The following SFMBT2 variants were observed in gnomAD, a reference collection of about 807,000 sequenced individuals.
SFMBT2 encodes scm-like with four MBT domains protein 2.
A neutral mutation model predicts 110.1 loss-of-function variants in SFMBT2; 38 were observed. The ratio of observed to expected loss-of-function variants is 0.35; its 90% confidence interval spans 0.27 to 0.45. The LOEUF is 0.45. Among genes scored for constraint, SFMBT2 ranks in the 20% least tolerant of loss-of-function variants. The pLI, the probability that SFMBT2 is intolerant of heterozygous loss-of-function variation, is 1.00. For synonymous variants in SFMBT2, 425 were observed against 425.4 expected (o/e 1.00, Z 0.01); for missense variants, 1,011 against 1,094.9 (o/e 0.92, Z 1.08).
At chr10:7,361,766 A>C (rs941348148) in intron 4 of SFMBT2, among the ~76,000 whole-genome samples, 2 of 152,202 alleles carry the variant, frequency 1.3e-5, no homozygotes, top group African/African-American at 4.8e-5. Context: ...TTATGGCAAC[A>C]GTAGAAAGCA....
intron 1 of SFMBT2, among the ~76,000 whole-genome samples, chr10:7,388,611 A>G (rs948497302): frequency 6.7e-6 from 1 of 149,412 alleles, no homozygotes; most frequent in African/African-American, 2.5e-5. Flanking sequence ...CCTGGCCTCA[A>G]GTGATCTGTC....
At chr10:7,169,912 C>T (rs1208611403) in intron 20 of SFMBT2, among the ~76,000 whole-genome samples, 1 of 152,166 alleles carries the variant, frequency 6.6e-6, no homozygotes, top group African/African-American at 2.4e-5. Context: ...ACTGTTATTG[C>T]ATTTGTCCAT....
rs539880152 is a variant in SFMBT2, at chr10:7,394,201, A to G, written c.-51-12252T>C. Among the ~76,000 whole-genome samples the G allele has an allele frequency of 7.9e-5, 12 of 152,146 alleles. No homozygotes were observed. The East Asian group carries it at 2.3e-3, about 30-fold the overall frequency. On this transcript the variant is annotated intron_variant, in intron 1 of 20. Transcript: ENST00000397167. ...ACCATGTTGCCCAGGCTGGTCTCGA[A>G]TTCGTGGGCTCAAGCAATCCACCCA...
chr10:7,286,611 A>G (rs1478785914), intron 4 of SFMBT2, among the ~76,000 whole-genome samples: 20 of 152,260 alleles, frequency 1.3e-4, no homozygotes, highest in Admixed American at 1.2e-3. Flanking sequence ...AACTATTTAC[A>G]TAGTATCTAC....
At chr10:7,233,307 C>T (rs1228199530) in intron 9 of SFMBT2, among the ~76,000 whole-genome samples, 1 of 152,104 alleles carries the variant, frequency 6.6e-6, no homozygotes, top group East Asian at 1.9e-4. Flanking sequence ...AATCCTCAGG[C>T]TCCAGCGACT....
rs949440330 is a variant in SFMBT2 at position 7,161,369 on chromosome 10, C to G, written c.*2401G>C. On this transcript the variant is annotated 3_prime_UTR_variant, in exon 21 of 21. Coordinates refer to ENST00000397167, the MANE Select transcript of SFMBT2 (RefSeq NM_001387889.1). ...ACCCTCGTCTCAAATACAACAGGAA[C>G]AGCTGAGCTTGAAAAGGCCACAGTG... is the stretch of plus-strand genomic sequence containing the variant. 3.3e-5 allele frequency: 5 copies of G among 152,260 alleles called. No homozygotes were observed. The highest frequency in any genetic ancestry group is 1.2e-4 in the African/African-American group (5 of 41,444). The allele number at this position is 152,260 out of a possible 1,614,324, so 9.4% of individuals were successfully genotyped here. A position where few individuals can be genotyped will look rare whatever the true frequency, so the allele number is the denominator to read the frequency against.
chr10:7,365,257 G>T (rs1047672509), intron 4 of SFMBT2, among the ~76,000 whole-genome samples: 1 of 152,230 alleles, frequency 6.6e-6, no homozygotes, highest in Admixed American at 6.5e-5. Flanking sequence ...AGGCTCGCAT[G>T]TCCAGAGAGA....
At chr10:7,363,122 G>A (rs1242520746) in intron 4 of SFMBT2, among the ~76,000 whole-genome samples, 1 of 152,112 alleles carries the variant, frequency 6.6e-6, no homozygotes, top group East Asian at 1.9e-4. Context: ...CACATGTTGT[G>A]GGAGGGACCC....
intron 4 of SFMBT2, among the ~76,000 whole-genome samples, chr10:7,295,651 C>T (rs577525688): frequency 3.9e-5 from 6 of 152,286 alleles, no homozygotes; most frequent in African/African-American, 1.4e-4. Context: ...TTTGTATTTG[C>T]ATAGTTTGTA....
intron 11 of SFMBT2, among the ~76,000 whole-genome samples, chr10:7,209,853 A>G (rs1042041586): frequency 2.0e-5 from 3 of 152,328 alleles, no homozygotes; most frequent in African/African-American, 7.2e-5. Context: ...CTATTTTGCA[A>G]CCAAGGCCTC....
chr10:7,264,968 CAT>C (rs775882463), intron 7 of SFMBT2, among the ~76,000 whole-genome samples: 3 of 143,910 alleles, frequency 2.1e-5, no homozygotes, highest in Non-Finnish European at 3.0e-5. Flanking sequence ...TTACATAAAA[CAT>C]GTGTAGACAT....
In SFMBT2 at chr10:7,242,783, G is replaced by A. The variant is rs188190951; in HGVS notation, c.1120+775C>T. Reference sequence around the variant, plus strand: ...GGAACTGCATGATTCTCCCAATAGGGTTAATGTCCCAAGCAATCCAATCCC... The same window carrying A: ...GGAACTGCATGATTCTCCCAATAGGATTAATGTCCCAAGCAATCCAATCCC... On this transcript the variant is annotated intron_variant, in intron 9 of 20. Coordinates refer to ENST00000397167, the MANE Select transcript of SFMBT2 (RefSeq NM_001387889.1). Among the ~76,000 whole-genome samples the A allele has an allele frequency of 4.4e-3, 677 of 152,312 alleles. 9 individuals are homozygous for A. The highest frequency in any genetic ancestry group is 6.7e-3 in the Non-Finnish European group (457 of 68,022).
At chr10:7,402,442 C>A (rs1312977775) in intron 1 of SFMBT2, among the ~76,000 whole-genome samples, 1 of 152,136 alleles carries the variant, frequency 6.6e-6, no homozygotes, top group Non-Finnish European at 1.5e-5. Flanking sequence ...ACCAAAAGCC[C>A]TAAACCAGAA....
chr10:7,404,315 T>C (rs1194412521), intron 1 of SFMBT2, among the ~76,000 whole-genome samples: 1 of 152,200 alleles, frequency 6.6e-6, no homozygotes, highest in Non-Finnish European at 1.5e-5. Context: ...TATCATACCT[T>C]AAAGTATTCA....
intron 2 of SFMBT2, among the ~76,000 whole-genome samples, chr10:7,380,834 G>T (rs935138136): frequency 1.3e-5 from 2 of 152,108 alleles, no homozygotes; most frequent in African/African-American, 4.8e-5. Flanking sequence ...AGGATCACTT[G>T]AGCCTAGTAG....
chr10:7,317,795 T>C (rs957307431), intron 4 of SFMBT2, among the ~76,000 whole-genome samples: 8 of 152,142 alleles, frequency 5.3e-5, no homozygotes, highest in Admixed American at 1.3e-4. Flanking sequence ...ACATGAAATA[T>C]TAGGTTTCAA....
At chr10:7,270,133 C>T (rs1255293989) in intron 7 of SFMBT2, among the ~76,000 whole-genome samples, 1 of 152,092 alleles carries the variant, frequency 6.6e-6, no homozygotes, top group African/African-American at 2.4e-5. Context: ...AGTCAAATGA[C>T]GGTTGTCTTG....
At chr10:7,181,355 C>T (rs1838242893) in intron 16 of SFMBT2, among the ~76,000 whole-genome samples, 1 of 151,658 alleles carries the variant, frequency 6.6e-6, no homozygotes, top group Admixed American at 6.6e-5. Flanking sequence ...GCAAGTATTC[C>T]AAAAGCTGAA....
intron 4 of SFMBT2, among the ~76,000 whole-genome samples, chr10:7,356,337 T>C (rs752435575): frequency 2.6e-5 from 4 of 152,192 alleles, no homozygotes; most frequent in African/African-American, 2.4e-5. Context: ...GTGATTAAGA[T>C]GCAGGATTTC....
Sources: allele counts gnomAD v4.1 joint callset (sites outside exome capture counted in the v4.1 genomes callset), GRCh38; gene constraint gnomAD v4.1.1; transcripts MANE v1.5; gene names NCBI Gene and HGNC (gene_info 2026-07-23, HGNC 2026-07-21).